PPP1R2: variants seen among roughly 807,000 people sequenced by gnomAD.
The protein encoded by PPP1R2 is protein phosphatase 1 regulatory inhibitor subunit 2, also known as protein phosphatase inhibitor 2.
A neutral mutation model predicts 29.9 loss-of-function variants in PPP1R2; 16 were observed. That is an observed-to-expected ratio of 0.53 (90% CI 0.36 to 0.81). The LOEUF is 0.81. PPP1R2 is among the 30% of genes least tolerant of loss of function. The pLI is 0.00. For synonymous variants in PPP1R2, 76 were observed against 91.5 expected, an observed-to-expected ratio of 0.83 and a Z score of 0.96; for missense variants, 197 against 252.7, an observed-to-expected ratio of 0.78 and a Z score of 1.49.
chr3:195,541,209 G>T (rs1719579012), intron 1 of PPP1R2, among the ~76,000 whole-genome samples: 1 of 152,082 alleles, frequency 6.6e-6, no homozygotes, highest in South Asian at 2.1e-4. Context: ...GAAAGAAAGA[G>T]GCCAATCCAT....
intron 3 of PPP1R2, 76 bp from the exon 4 acceptor site, chr3:195,523,862 TC>T: frequency 8.3e-7 from 1 of 1,211,142 alleles, no homozygotes; most frequent in East Asian, 2.4e-5. Context: ...AACTGTTGAT[TC>T]TTACAAAAAC....
At chr3:195,520,861 GT>G (rs1424720056) in intron 4 of PPP1R2, among the ~76,000 whole-genome samples, 1 of 151,432 alleles carries the variant, frequency 6.6e-6, no homozygotes, top group Admixed American at 6.6e-5. Context: ...TAGAGACGGG[GT>G]TTCACCATGT....
rs148900778 is a variant in PPP1R2, at chr3:195,534,874, A to G, written c.123-4973T>C. Among the ~76,000 whole-genome samples, 1,379 of 152,264 alleles carry G rather than the reference A, an allele frequency of 9.1e-3. 20 individuals carry two copies. The highest frequency in any genetic ancestry group is 0.032 in the African/African-American group (1,309 of 41,532). On this transcript the variant is annotated intron_variant, in intron 1 of 5. Coordinates refer to ENST00000618156, the MANE Select transcript of PPP1R2 (RefSeq NM_006241.8). ...TGCCTGGCAGTAAAGTACCTTTTAAAGTTGTTTTGATTCTGGACAATGTCT... is the reference window on the plus strand; with the variant it reads ...TGCCTGGCAGTAAAGTACCTTTTAAGGTTGTTTTGATTCTGGACAATGTCT...
Position 195,527,449 on chromosome 3 carries a change from C to CA in PPP1R2, c.230+2344dup, listed in dbSNP as rs1304345588. 5.3e-5 allele frequency among the ~76,000 whole-genome samples: 8 copies of CA among 150,934 alleles called. No homozygotes were observed. The East Asian group carries it at 1.6e-3, about 29-fold the overall frequency. On this transcript the variant is annotated intron_variant, in intron 2 of 5. Transcript: ENST00000618156. Reference sequence around the variant, plus strand: ...CGGGTGACAGAGTGAGACTCTGTCTCAAAAAAATAAAAAATAAAAAATAAA... The same window carrying CA: ...CGGGTGACAGAGTGAGACTCTGTCTCAAAAAAAATAAAAAATAAAAAATAAA...
In PPP1R2 at chr3:195,519,175, T is replaced by C. The variant is rs1367944308; in HGVS notation, c.414A>G (p.Arg138=). The change falls in exon 5 of 6, where the codon CGA becomes CGG. Residue 138 remains arginine, a synonymous_variant. Coordinates refer to ENST00000618156, the MANE Select transcript of PPP1R2 (RefSeq NM_006241.8). ...GAAGCTTCCTTTTCATTTCAAATTGTCGCTTTTTTTCTATAAGATGCAAAA... is the reference window on the plus strand; with the variant it reads ...GAAGCTTCCTTTTCATTTCAAATTGCCGCTTTTTTTCTATAAGATGCAAAA... ...DLSPEEREKK[R]QFEMKRKLHY... 1 of 1,598,362 alleles carries C rather than the reference T, an allele frequency of 6.3e-7. No individual in the cohort carries two copies. The highest frequency in any genetic ancestry group is 1.2e-5 in the South Asian group (1 of 86,630).
chr3:195,529,041 ATT>A (rs879663216), intron 2 of PPP1R2: 13 of 129,438 alleles, frequency 1.0e-4, no homozygotes, highest in Non-Finnish European at 1.3e-4. Flanking sequence ...TAATTTTTGT[ATT>A]TTTTTTTTTT....
At chr3:195,542,718 GA>G (rs768732864) in intron 1 of PPP1R2, among the ~76,000 whole-genome samples, 185 bp downstream of exon 1, 8 of 151,674 alleles carry the variant, frequency 5.3e-5, no homozygotes, top group Admixed American at 5.2e-4. Flanking sequence ...AAAAAAAAAG[GA>G]AGCATGATAA....
chr3:195,524,787 A>C, intron 3 of PPP1R2, 32 bp downstream of exon 3: 1 of 1,605,244 alleles, frequency 6.2e-7, no homozygotes, highest in Non-Finnish European at 8.5e-7. Flanking sequence ...AAACAGCCTA[A>C]GTGAAAATGT....
intron 5 of PPP1R2, among the ~76,000 whole-genome samples, chr3:195,517,837 T>G (rs1405438340): frequency 6.6e-6 from 1 of 152,070 alleles, no homozygotes; most frequent in East Asian, 1.9e-4. Flanking sequence ...ATAATGGAAA[T>G]GAAAGGCTAT....
At chr3:195,525,174 T>C (rs914810124) in intron 2 of PPP1R2, among the ~76,000 whole-genome samples, 45 of 152,188 alleles carry the variant, frequency 3.0e-4, no homozygotes, top group Non-Finnish European at 1.0e-4. Flanking sequence ...CAACCGTGGA[T>C]TGAAAATAGC....
intron 1 of PPP1R2, among the ~76,000 whole-genome samples, chr3:195,536,101 T>C (rs755916344): frequency 2.0e-4 from 31 of 152,112 alleles, no homozygotes; most frequent in Non-Finnish European, 4.3e-4. Flanking sequence ...ATACAAAACA[T>C]GTAGTTAATC....
chr3:195,537,439 A>G (rs1407602385), intron 1 of PPP1R2, among the ~76,000 whole-genome samples: 1 of 147,396 alleles, frequency 6.8e-6, no homozygotes, highest in Non-Finnish European at 1.5e-5. Context: ...GACTGTTTGT[A>G]ACGTCCCCAG....
chr3:195,523,524 T>C (rs1312164581), intron 4 of PPP1R2, among the ~76,000 whole-genome samples, 168 bp downstream of exon 4: 1 of 152,190 alleles, frequency 6.6e-6, no homozygotes, highest in Non-Finnish European at 1.5e-5. Flanking sequence ...TAAAAAACTA[T>C]TACACAACAA....
chr3:195,528,696 ATAAC>A (rs1439227338), intron 2 of PPP1R2: 2 of 129,824 alleles, frequency 1.5e-5, no homozygotes, highest in Middle Eastern at 4.1e-3. Context: ...TAGGTAGGGC[ATAAC>A]TATTTTTTTT....
intron 5 of PPP1R2, 119 bp downstream of exon 5, chr3:195,518,899 T>C (rs1042337631): frequency 6.9e-7 from 1 of 1,449,122 alleles, no homozygotes; most frequent in East Asian, 2.4e-5. Context: ...ACATTTGGTA[T>C]AATAAAGCGA....
In PPP1R2 at chr3:195,515,022, AAG is replaced by A; in HGVS notation, c.*1872_*1873del. On this transcript the variant is annotated 3_prime_UTR_variant, in exon 6 of 6. Transcript: ENST00000618156. Reference sequence around the variant, plus strand: ...ACAGCTACTTCTACAAAAAAAAAAAAAGAGTATGTGGGTACTTTCTAAGAACT... The same window carrying A: ...ACAGCTACTTCTACAAAAAAAAAAAAAGTATGTGGGTACTTTCTAAGAACT... 3 of 268,604 alleles carry A rather than the reference AAG, an allele frequency of 1.1e-5. No individual in the cohort carries two copies. Among genetic ancestry groups the A allele is most frequent in the Non-Finnish European group, 2.3e-5 (3 of 129,950 alleles). 16.6% of individuals were successfully genotyped at this position (268,604 alleles called of 1,614,324 possible). A position where few individuals can be genotyped will look rare whatever the true frequency, so the allele number is the denominator to read the frequency against.
chr3:195,526,567 T>C (rs1055241868), intron 2 of PPP1R2, among the ~76,000 whole-genome samples: 2 of 152,192 alleles, frequency 1.3e-5, no homozygotes, highest in African/African-American at 4.8e-5. Flanking sequence ...ACCATTCAAA[T>C]TATATTTATA....
Position 195,542,904 on chromosome 3 carries a change from C to T in PPP1R2, c.122G>A (p.Ser41Asn), listed in dbSNP as rs1375382399. ...CCAGGCCGTCCCTCCCAGCGCTCACCTCAGCTCCTCGTCGACATTCCCGCG... is the reference window on the plus strand; with the variant it reads ...CCAGGCCGTCCCTCCCAGCGCTCACTTCAGCTCCTCGTCGACATTCCCGCG... Reference protein sequence around the residue: ...QPRGNVDEELSKKSQKWDEMN... With the variant: ...QPRGNVDEELNKKSQKWDEMN... Residue 41 changes from serine to asparagine, a missense_variant and splice_region_variant, in exon 1 of 6, where the codon AGC becomes AAC. Around this residue, in one of 3 missense-constraint regions of PPP1R2, gnomAD observed 54 missense variants for 60.6 expected, o/e 0.89. Transcript: ENST00000618156. 1 of 1,601,156 alleles carries T rather than the reference C, an allele frequency of 6.2e-7. No individual in the cohort carries two copies. The highest frequency in any genetic ancestry group is 8.5e-7 in the Non-Finnish European group (1 of 1,174,056).
chr3:195,519,263 T>C, intron 4 of PPP1R2, 78 bp from the exon 5 acceptor site: 2 of 1,084,236 alleles, frequency 1.8e-6, no homozygotes, highest in Non-Finnish European at 2.7e-6. Context: ...TAAAATTTTA[T>C]TGAAACAGTG....
Sources: gnomAD v4.1 joint callset for allele counts (sites outside exome capture counted in the v4.1 genomes callset) on GRCh38, gnomAD v4.1.1 for gene constraint, gnomAD v4.1.1 regional missense constraint, MANE v1.5 for transcripts, NCBI Gene and HGNC (gene_info 2026-07-23, HGNC 2026-07-21) for gene names.